SH3GL2: variants seen among roughly 807,000 people sequenced by gnomAD.
SH3GL2 encodes the protein SH3 domain containing GRB2 like 2, endophilin A1.
In SH3GL2, 24 loss-of-function variants were observed where a neutral mutation model predicts 46.0. That is an observed-to-expected ratio of 0.52 (90% CI 0.38 to 0.73). SH3GL2 has a LOEUF of 0.73. Among genes scored for constraint, SH3GL2 ranks in the 30% least tolerant of loss-of-function variants. The probability of loss-of-function intolerance (pLI) is 0.00; values close to 1 mark genes in which losing one functional copy is unlikely to be tolerated. For missense variants in SH3GL2, 413 were observed against 424.2 expected (o/e 0.97, Z 0.23); for synonymous variants, 196 against 147.1 (o/e 1.33, Z -2.40).
chr9:17,612,404 C>T lies in SH3GL2; in HGVS notation c.45+33117C>T, dbSNP rs1052698205. Reference sequence around the variant, plus strand: ...TACCACATCTGGAAACTTGCTTGAACTGCTGAATCTCAGACCCTATCTCAG... The same window carrying T: ...TACCACATCTGGAAACTTGCTTGAATTGCTGAATCTCAGACCCTATCTCAG... On this transcript the variant is annotated intron_variant, in intron 1 of 8. Transcript: ENST00000380607. Among the ~76,000 whole-genome samples, 27 of 152,300 alleles carry T rather than the reference C, an allele frequency of 1.8e-4. 1 individual carries two copies. Among genetic ancestry groups the T allele is most frequent in the Admixed American group, 1.2e-3 (18 of 15,296 alleles).
intron 1 of SH3GL2, among the ~76,000 whole-genome samples, chr9:17,743,569 AAC>A (rs58408701): frequency 0.2 from 29,013 of 143,466 alleles, 3,095 homozygotes; most frequent in Admixed American, 0.31. Context: ...CTCTTTTGTG[AAC>A]ACACACACAC....
intron 1 of SH3GL2, 24 bp from the exon 2 acceptor site, chr9:17,747,040 TTC>T: frequency 6.7e-7 from 1 of 1,493,664 alleles, no homozygotes. Flanking sequence ...TTTATAATAA[TTC>T]TCCTTTGTGG....
intron 1 of SH3GL2, among the ~76,000 whole-genome samples, chr9:17,594,675 A>G (rs1333013365): frequency 6.6e-6 from 1 of 151,940 alleles, no homozygotes; most frequent in Non-Finnish European, 1.5e-5. Context: ...TGTGTGTTGT[A>G]CCTCTGTGAA....
At chr9:17,683,490 G>T (rs1266595216) in intron 1 of SH3GL2, among the ~76,000 whole-genome samples, 1 of 152,062 alleles carries the variant, frequency 6.6e-6, no homozygotes, top group Non-Finnish European at 1.5e-5. Context: ...CAGGAAAATT[G>T]CTGTACCTTT....
At chr9:17,627,585 T>A (rs1819312249) in intron 1 of SH3GL2, among the ~76,000 whole-genome samples, 1 of 152,172 alleles carries the variant, frequency 6.6e-6, no homozygotes, top group Admixed American at 6.5e-5. Flanking sequence ...GCATGAAAAA[T>A]TTTAATTCTG....
chr9:17,679,902 T>A (rs1183230732), intron 1 of SH3GL2, among the ~76,000 whole-genome samples: 1 of 152,212 alleles, frequency 6.6e-6, no homozygotes, highest in Admixed American at 6.5e-5. Context: ...GGTTTTTGTC[T>A]TTGGTTCTGT....
intron 1 of SH3GL2, among the ~76,000 whole-genome samples, chr9:17,712,162 T>A (rs1338593328): frequency 6.6e-6 from 1 of 151,830 alleles, no homozygotes; most frequent in Non-Finnish European, 1.5e-5. Context: ...ATTGGGTGAT[T>A]TTCTTATTGT....
rs1416335111 is a variant in SH3GL2, at chr9:17,659,870, C to A, written c.45+80583C>A. Among the ~76,000 whole-genome samples, 4 of 152,148 alleles carry A rather than the reference C, an allele frequency of 2.6e-5. No individual in the cohort carries two copies. In the East Asian group the frequency reaches 7.7e-4, roughly 29 times the overall value. ...TTAAAATGGGAAGACAAAAATATTTCAATTTTCATAAAACTGGGTTCTTGA... is the reference window on the plus strand; with the variant it reads ...TTAAAATGGGAAGACAAAAATATTTAAATTTTCATAAAACTGGGTTCTTGA... On this transcript the variant is annotated intron_variant, in intron 1 of 8. Coordinates refer to ENST00000380607, the MANE Select transcript of SH3GL2 (RefSeq NM_003026.5).
At chr9:17,758,490 A>G (rs1166571853) in intron 2 of SH3GL2, among the ~76,000 whole-genome samples, 1 of 133,968 alleles carries the variant, frequency 7.5e-6, no homozygotes, top group Non-Finnish European at 1.6e-5. Context: ...TGAACCTGGG[A>G]GGAGGAGGTT....
At chr9:17,715,479 A>T (rs143592515) in intron 1 of SH3GL2, among the ~76,000 whole-genome samples, 1,618 of 151,814 alleles carry the variant, frequency 0.011, 13 homozygotes, top group Non-Finnish European at 0.017. Flanking sequence ...ATTGTCCTAT[A>T]TCTCACTGAT....
At chr9:17,667,544 T>A (rs574342190) in intron 1 of SH3GL2, among the ~76,000 whole-genome samples, 3 of 152,212 alleles carry the variant, frequency 2.0e-5, no homozygotes, top group Admixed American at 6.5e-5. Context: ...ATTATATGGA[T>A]ATAAAACATT....
chr9:17,794,255 G>A (rs1824218094), intron 8 of SH3GL2, among the ~76,000 whole-genome samples: 1 of 151,994 alleles, frequency 6.6e-6, no homozygotes, highest in Admixed American at 6.5e-5. Context: ...TGTTTGAAGT[G>A]GGAACTGTCT....
At chr9:17,597,807 G>A (rs565897291) in intron 1 of SH3GL2, among the ~76,000 whole-genome samples, 1 of 152,266 alleles carries the variant, frequency 6.6e-6, no homozygotes, top group Admixed American at 6.5e-5. Context: ...GCAAGGGCCT[G>A]CCTGATCTGA....
In SH3GL2 at chr9:17,579,222, G is replaced by A. The variant is rs1005030534; in HGVS notation, c.-21G>A. The A allele has an allele frequency of 6.5e-7, 1 of 1,538,236 alleles. No homozygotes were observed. The highest frequency in any genetic ancestry group is 1.9e-5 in the Admixed American group (1 of 51,876). ...GCCTCCTCCCTCCCGCACAGCAGCC[G>A]CCAGCGCGGCCTCCTGCACCATGTC... On this transcript the variant is annotated 5_prime_UTR_variant, in exon 1 of 9. Transcript: ENST00000380607.
intron 1 of SH3GL2, among the ~76,000 whole-genome samples, chr9:17,706,638 T>C (rs573548109): frequency 1.3e-5 from 2 of 152,208 alleles, no homozygotes; most frequent in East Asian, 3.9e-4. Flanking sequence ...GTCTTTGTTC[T>C]AGTTTCTTTT....
rs1351144493 is a variant in SH3GL2, at chr9:17,588,412, T to G, written c.45+9125T>G. Among the ~76,000 whole-genome samples the G allele has an allele frequency of 5.3e-5, 8 of 152,338 alleles. No individual in the cohort carries two copies. The East Asian group carries it at 1.5e-3, about 29-fold the overall frequency. On this transcript the variant is annotated intron_variant, in intron 1 of 8. Transcript: ENST00000380607. Reference sequence around the variant, plus strand: ...AAAAGGGAGATTATATGATTGGACTTAATCTAATCTCATGAGCCCTTTAAA... The same window carrying G: ...AAAAGGGAGATTATATGATTGGACTGAATCTAATCTCATGAGCCCTTTAAA...
At chr9:17,760,769 A>G (rs936200892) in intron 2 of SH3GL2, among the ~76,000 whole-genome samples, 2 of 152,168 alleles carry the variant, frequency 1.3e-5, no homozygotes, top group African/African-American at 2.4e-5. Flanking sequence ...TTGGAGAAAG[A>G]CAGAGAGCAC....
intron 2 of SH3GL2, among the ~76,000 whole-genome samples, chr9:17,755,472 T>A (rs1822961979): frequency 6.6e-6 from 1 of 152,134 alleles, no homozygotes; most frequent in Non-Finnish European, 1.5e-5. Context: ...TGTGGCTAAT[T>A]TTAAAATCTT....
intron 1 of SH3GL2, among the ~76,000 whole-genome samples, chr9:17,599,562 A>G (rs563608756): frequency 6.6e-6 from 1 of 152,308 alleles, no homozygotes; most frequent in Admixed American, 6.5e-5. Context: ...TGTATGTTCA[A>G]AATTTATTGC....
Sources: gnomAD v4.1 joint callset for allele counts (sites outside exome capture counted in the v4.1 genomes callset) on GRCh38, gnomAD v4.1.1 for gene constraint, MANE v1.5 for transcripts, NCBI Gene and HGNC (gene_info 2026-07-23, HGNC 2026-07-21) for gene names.